The following UBR2 variants were observed in gnomAD, a reference collection of about 807,000 sequenced individuals.
UBR2 encodes E3 ubiquitin-protein ligase UBR2.
In UBR2, 92 loss-of-function variants were observed where a neutral mutation model predicts 247.9. That is an observed-to-expected ratio of 0.37 (90% CI 0.31 to 0.44). UBR2 has a LOEUF of 0.44. UBR2 is among the 20% of genes least tolerant of loss of function. The pLI, the probability that UBR2 is intolerant of heterozygous loss-of-function variation, is 1.00. For missense variants in UBR2, 1,613 were observed against 2,112.6 expected, an observed-to-expected ratio of 0.76 and a Z score of 4.64; for synonymous variants, 672 against 693.5, an observed-to-expected ratio of 0.97 and a Z score of 0.49.
chr6:42,580,757 G>A (rs1013850322), intron 2 of UBR2, among the ~76,000 whole-genome samples: 1 of 152,126 alleles, frequency 6.6e-6, no homozygotes. Context: ...TGGCCAGGAT[G>A]GTCTCGATCT....
intron 13 of UBR2, among the ~76,000 whole-genome samples, chr6:42,634,987 CTG>C (rs1333786787): frequency 6.6e-6 from 1 of 152,290 alleles, no homozygotes; most frequent in East Asian, 1.9e-4. Flanking sequence ...CTTTCAGGCT[CTG>C]TGAAAACTTC....
chr6:42,646,168 G>GA (rs746734793), intron 21 of UBR2, among the ~76,000 whole-genome samples: 38 of 152,088 alleles, frequency 2.5e-4, no homozygotes, highest in Non-Finnish European at 4.9e-4. Context: ...CAGCCATGGG[G>GA]TTTTTCAGAA....
At chr6:42,566,668 G>A (rs1451705542) in intron 1 of UBR2, among the ~76,000 whole-genome samples, 2 of 152,082 alleles carry the variant, frequency 1.3e-5, no homozygotes, top group East Asian at 1.9e-4. Flanking sequence ...GATTACAGGC[G>A]TGAGCCACCG....
intron 36 of UBR2, 51 bp downstream of exon 36, chr6:42,670,766 G>T: frequency 6.9e-7 from 1 of 1,450,846 alleles, no homozygotes; most frequent in Non-Finnish European, 9.4e-7. Flanking sequence ...GAAATTAGGT[G>T]GTTCTGCTGC....
chr6:42,658,186 T>C (rs1797552728), intron 27 of UBR2, 53 bp downstream of exon 27: 3 of 1,609,678 alleles, frequency 1.9e-6, no homozygotes, highest in East Asian at 4.5e-5. Flanking sequence ...ATATTTGTTA[T>C]GTGTACATTG....
At chr6:42,615,301 C>A in intron 9 of UBR2, 123 bp downstream of exon 9, 1 of 610,712 alleles carries the variant, frequency 1.6e-6, no homozygotes, top group Non-Finnish European at 2.5e-6. Context: ...ATTAGCATTG[C>A]AGTCTTAGTC....
chr6:42,659,565 C>A lies in UBR2; in HGVS notation c.3243-91C>A. On this transcript the variant is annotated intron_variant, in intron 29 of 46. Transcript: ENST00000372901. This position sits in a 1 kb window ranked among gnomAD's most constrained non-coding sequence, Gnocchi z 4.3. ...CACACACACACACACACACACACTA[C>A]ACACACACACACATACCTGTAGTCT... is the stretch of plus-strand genomic sequence containing the variant. The A allele has an allele frequency of 9.5e-6, 5 of 528,620 alleles. No individual in the cohort carries two copies. Among genetic ancestry groups the A allele is most frequent in the Non-Finnish European group, 8.9e-6 (3 of 336,166 alleles). The allele number at this position is 528,620 out of a possible 1,614,324, so 32.7% of individuals were successfully genotyped here. A position where few individuals can be genotyped will look rare whatever the true frequency, so the allele number is the denominator to read the frequency against.
In UBR2 at chr6:42,637,059, C is replaced by A; in HGVS notation, c.1723C>A (p.Gln575Lys). 6.2e-7 allele frequency: 1 copy of A among 1,613,860 alleles called. No homozygotes were observed. The highest frequency in any genetic ancestry group is 8.5e-7 in the Non-Finnish European group (1 of 1,179,872). Residue 575 changes from glutamine to lysine, a missense_variant, in exon 15 of 47, where the codon CAG (glutamine) becomes AAG (lysine). Gln to Lys is a moderately conservative substitution (Grantham distance 53). Transcript: ENST00000372901. ...CAAGAAATGTCTCGCTGTACTGATG[C>A]AGTGTCATGGTGGTTATACTGATGG... is the stretch of plus-strand genomic sequence containing the variant. ...AYKKCLAVLM[Q>K]CHGGYTDGEQ... is the part of the protein sequence containing the mutation.
In UBR2 at chr6:42,652,514, C is replaced by T; in HGVS notation, c.2638C>T (p.Pro880Ser). ...AGCACTCCCACCTCCGGTGTTGCCT[C>T]CATTCTGCCCTCTGTTTGCAAGCCT... ...DTALPPPVLP[P>S]FCPLFASLVN... Residue 880 changes from proline to serine, a missense_variant, in exon 25 of 47, where the codon CCA becomes TCA. Pro to Ser is a moderately conservative substitution (Grantham distance 74, BLOSUM62 -1). This residue lies in a region of UBR2 where 1,524 missense variants were observed against 1,967.3 expected (regional missense o/e 0.77). Transcript: ENST00000372901. 2 of 1,609,308 alleles carry T rather than the reference C, an allele frequency of 1.2e-6. No individual in the cohort carries two copies. The highest frequency in any genetic ancestry group is 1.7e-6 in the Non-Finnish European group (2 of 1,178,984).
Position 42,688,208 on chromosome 6 carries a change from C to G in UBR2, c.4854-8C>G. 4 of 1,613,972 alleles carry G rather than the reference C, an allele frequency of 2.5e-6. No homozygotes were observed. Among genetic ancestry groups the G allele is most frequent in the Non-Finnish European group, 3.4e-6 (4 of 1,179,984 alleles). Reference sequence around the variant, plus strand: ...ATCAATGACTTGTGGGTTTTTTATCCCTTGGAGGTGCCCGAAATCAGGTGG... The same window carrying G: ...ATCAATGACTTGTGGGTTTTTTATCGCTTGGAGGTGCCCGAAATCAGGTGG... On this transcript the variant is annotated splice_polypyrimidine_tract_variant and splice_region_variant and intron_variant, in intron 44 of 46. Transcript: ENST00000372901.
chr6:42,570,601 T>C (rs1166242939), intron 1 of UBR2, among the ~76,000 whole-genome samples: 1 of 152,206 alleles, frequency 6.6e-6, no homozygotes, highest in African/African-American at 2.4e-5. Flanking sequence ...AGTCTTGTTA[T>C]TTATAATAAT....
At chr6:42,575,529 A>T (rs1394347786) in intron 2 of UBR2, among the ~76,000 whole-genome samples, 1 of 152,150 alleles carries the variant, frequency 6.6e-6, no homozygotes, top group African/African-American at 2.4e-5. Flanking sequence ...TTAATCTTCA[A>T]TCTGGAATGT....
chr6:42,606,522 T>C, intron 6 of UBR2, 67 bp from the exon 7 acceptor site: 1 of 1,344,186 alleles, frequency 7.4e-7, no homozygotes, highest in Non-Finnish European at 1.1e-6. Context: ...CATGTTTGTT[T>C]ACTGGTTTAA....
rs781295477 is a variant in UBR2, at chr6:42,648,145, G to A, written c.2437G>A (p.Val813Ile). 2 of 1,613,910 alleles carry A rather than the reference G, an allele frequency of 1.2e-6. No homozygotes were observed. The highest frequency in any genetic ancestry group is 2.2e-5 in the South Asian group (2 of 91,086). The change falls in exon 22 of 47, where the codon GTA (valine) becomes ATA (isoleucine). Residue 813 changes from valine (V) to isoleucine (I), a missense_variant. Transcript: ENST00000372901. ...GAACAAGGAGACTGGCATGGAGAGT[G>A]TAATCGAAGCAGTTGCCCATTTCAA... ...DENKETGMES[V>I]IEAVAHFKKP... is the part of the protein sequence containing the mutation.
chr6:42,644,479 G>T lies in UBR2; in HGVS notation c.2227G>T (p.Val743Phe). The stretch of plus-strand genomic sequence containing the variant: ...CTTCCCTCACTTGTTATAGGATGTT[G>T]TTCAGCAGAACAATACTCTAATAGA... ...FSSEITHKDV[V>F]QQNNTLIEEM... Residue 743 changes from valine to phenylalanine, a missense_variant, in exon 20 of 47, where the codon GTT becomes TTT. Val to Phe is a conservative substitution (Grantham distance 50). Transcript: ENST00000372901. The T allele has an allele frequency of 1.2e-6, 2 of 1,611,860 alleles. No homozygotes were observed. Among genetic ancestry groups the T allele is most frequent in the Non-Finnish European group, 1.7e-6 (2 of 1,179,282 alleles).
intron 3 of UBR2, among the ~76,000 whole-genome samples, chr6:42,593,043 G>A (rs1476141094): frequency 1.3e-5 from 2 of 152,112 alleles, no homozygotes; most frequent in East Asian, 1.9e-4. Flanking sequence ...ACATGGTGGC[G>A]CATGTCTGTA....
rs964067311 is a variant in UBR2 at position 42,615,320 on chromosome 6, A to T, written c.1093+142A>T. ...GCATTGCAGTCTTAGTCTTTGAAAA[A>T]TATAGATTTGGTGGGGTGGGGTCCA... On this transcript the variant is annotated intron_variant, in intron 9 of 46. Transcript: ENST00000372901. 1.3e-5 allele frequency: 7 copies of T among 528,524 alleles called. No homozygotes were observed. The African/African-American group carries it at 1.4e-4, about 10-fold the overall frequency. The allele number at this position is 528,524 out of a possible 1,614,324, so 32.7% of individuals were successfully genotyped here.
intron 4 of UBR2, among the ~76,000 whole-genome samples, chr6:42,601,074 G>C (rs184203701): frequency 2.0e-5 from 3 of 152,280 alleles, no homozygotes; most frequent in Admixed American, 1.3e-4. Context: ...ATTGGTGGTT[G>C]TCTCTGTTCC....
At chr6:42,632,472 A>T (rs759290604) in intron 11 of UBR2, 80 bp from the exon 12 acceptor site, 79 of 1,305,032 alleles carry the variant, frequency 6.1e-5, no homozygotes, top group Non-Finnish European at 7.1e-5. Flanking sequence ...AAGGAGCTAA[A>T]CAATGTTGGT....
Sources: gnomAD v4.1 joint callset for allele counts (sites outside exome capture counted in the v4.1 genomes callset) on GRCh38, gnomAD v4.1.1 for gene constraint, gnomAD v4.1.1 regional missense constraint, Gnocchi (gnomAD v3.1) non-coding constraint, MANE v1.5 for transcripts, NCBI Gene and HGNC (gene_info 2026-07-23, HGNC 2026-07-21) for gene names.